The following WTAP variants were observed in gnomAD, a reference collection of about 807,000 sequenced individuals.
WTAP encodes pre-mRNA-splicing regulator WTAP.
Under a neutral mutation model 50.0 loss-of-function variants are expected in WTAP, and 8 were observed. That is an observed-to-expected ratio of 0.16 (90% CI 0.09 to 0.29). The LOEUF (loss-of-function observed/expected upper bound fraction) is 0.29. Among genes scored for constraint, WTAP ranks in the 10% least tolerant of loss-of-function variants. The probability of loss-of-function intolerance (pLI) is 1.00; values close to 1 mark genes in which losing one functional copy is unlikely to be tolerated. For synonymous variants in WTAP, 194 were observed against 169.0 expected, an observed-to-expected ratio of 1.15 and a Z score of -1.15; for missense variants, 295 against 470.7, an observed-to-expected ratio of 0.63 and a Z score of 3.45.
chr6:159,733,891 G>T (rs1778743768), intron 1 of WTAP, among the ~76,000 whole-genome samples: 3 of 152,194 alleles, frequency 2.0e-5, no homozygotes, highest in African/African-American at 4.8e-5. Context: ...ACTCCACCCC[G>T]GGCAACAAGA....
chr6:159,743,872 A>G (rs1779406383), intron 5 of WTAP, 80 bp downstream of exon 5: 4 of 1,390,938 alleles, frequency 2.9e-6, no homozygotes, highest in Admixed American at 2.6e-5. Context: ...AATTTTAAAC[A>G]TTTAATGCTA....
chr6:159,735,742 G>A (rs1778872791), intron 1 of WTAP, among the ~76,000 whole-genome samples: 1 of 151,264 alleles, frequency 6.6e-6, no homozygotes, highest in Non-Finnish European at 1.5e-5. Flanking sequence ...GAGTGAGACT[G>A]TGTCTCAAAA....
upstream of WTAP, chr6:159,726,769 G>T: frequency 5.4e-6 from 7 of 1,288,916 alleles, no homozygotes; most frequent in Non-Finnish European, 7.1e-6. Context: ...AGATGTCAAG[G>T]AGGAACGAAC....
chr6:159,741,131 G>A (rs2114918034), intron 3 of WTAP, among the ~76,000 whole-genome samples: 2 of 152,278 alleles, frequency 1.3e-5, no homozygotes, highest in Non-Finnish European at 2.9e-5. Flanking sequence ...CAGGATAGCA[G>A]ACATTCAGGG....
Position 159,753,610 on chromosome 6 carries a change from G to A in WTAP, c.603G>A (p.Gln201=). The A allele has an allele frequency of 6.2e-7, 1 of 1,605,130 alleles. No homozygotes were observed. Among genetic ancestry groups the A allele is most frequent in the African/African-American group, 1.3e-5 (1 of 74,606 alleles). The change falls in exon 7 of 8, where the codon CAG becomes CAA. Residue 201 remains glutamine, a synonymous_variant. Transcript: ENST00000621533. The part of the protein sequence containing the change: ...KKYSEELKSS[Q]DELNDFIIQL... ...ACAGTGAGGAGCTTAAAAGCAGTCA[G>A]GATGGTAAGGGGTTTGTTTCTTTTT...
intron 7 of WTAP, among the ~76,000 whole-genome samples, chr6:159,754,116 A>G (rs1562468235): frequency 1.3e-5 from 2 of 152,222 alleles, no homozygotes; most frequent in African/African-American, 4.8e-5. Context: ...GTGTAGCTGT[A>G]TCTCTGTTTC....
chr6:159,755,089 A>C lies in WTAP; in HGVS notation c.669A>C (p.Leu223=). 2 of 1,614,214 alleles carry C rather than the reference A, an allele frequency of 1.2e-6. No homozygotes were observed. The highest frequency in any genetic ancestry group is 1.7e-6 in the Non-Finnish European group (2 of 1,180,042). ...TAGAGGGTATGCAGAGTACCATTCT[A>C]GTTCTGCAGCAGCAGCTGAAGGAGA... The part of the protein sequence containing the change: ...EEVEGMQSTI[L]VLQQQLKETR... The change falls in exon 8 of 8, where the codon CTA becomes CTC. Residue 223 remains leucine (L), a synonymous_variant. Transcript: ENST00000621533.
At chr6:159,731,811 A>G (rs995638420) in intron 1 of WTAP, among the ~76,000 whole-genome samples, 14 of 152,224 alleles carry the variant, frequency 9.2e-5, no homozygotes, top group Admixed American at 5.9e-4. Flanking sequence ...TTGTATTTGC[A>G]AAGTTGACAA....
intron 1 of WTAP, among the ~76,000 whole-genome samples, chr6:159,734,703 A>T (rs1167888010): frequency 1.3e-5 from 2 of 152,210 alleles, no homozygotes; most frequent in African/African-American, 4.8e-5. Context: ...CTTAATTTGT[A>T]TAAGTTATGA....
At chr6:159,727,124 C>T (rs1778215763), upstream of WTAP, 2 of 1,195,524 alleles carry the variant, frequency 1.7e-6, no homozygotes, top group African/African-American at 1.6e-5. Flanking sequence ...GGCCGCTTCC[C>T]TTACTGAGCT....
intron 6 of WTAP, among the ~76,000 whole-genome samples, chr6:159,752,029 C>CTCCA (rs1311920491): frequency 6.6e-6 from 1 of 150,640 alleles, no homozygotes; most frequent in African/African-American, 2.5e-5. Flanking sequence ...CGCCACTGCA[C>CTCCA]TCCAGCCTGG....
At chr6:159,750,406 TG>T (rs1328941846) in intron 6 of WTAP, among the ~76,000 whole-genome samples, 2 of 152,238 alleles carry the variant, frequency 1.3e-5, no homozygotes, top group East Asian at 3.8e-4. Flanking sequence ...TACATGCTTA[TG>T]TATAAAATTG....
In WTAP at chr6:159,742,121, G is replaced by A. The variant is rs757806150; in HGVS notation, c.120G>A (p.Leu40=). The A allele has an allele frequency of 4.2e-5, 68 of 1,608,288 alleles. No homozygotes were observed. Among genetic ancestry groups the A allele is most frequent in the Non-Finnish European group, 5.4e-5 (64 of 1,178,372 alleles). Residue 40 remains leucine, a synonymous_variant, in exon 4 of 8, where the codon TTG becomes TTA. Transcript: ENST00000621533. ...WKQYEAYVQA[L]EGKYTDLNSN... The stretch of plus-strand genomic sequence containing the variant: ...AATATGAAGCATATGTACAAGCTTT[G>A]GAGGGCAAGTACACAGATCTTAACT...
Position 159,755,751 on chromosome 6 carries a change from T to TCA in WTAP, c.*140_*141insCA. 9.4e-7 allele frequency: 1 copy of TCA among 1,067,308 alleles called. No homozygotes were observed. The highest frequency in any genetic ancestry group is 1.2e-6 in the Non-Finnish European group (1 of 845,278). The allele number at this position is 1,067,308 out of a possible 1,614,324, so 66.1% of individuals were successfully genotyped here. A position where few individuals can be genotyped will look rare whatever the true frequency, so the allele number is the denominator to read the frequency against. On this transcript the variant is annotated 3_prime_UTR_variant, in exon 8 of 8. Transcript: ENST00000621533. ...TTTTTTTGTTGTTTTTTTTCTTTGT[T>TCA]TTTTTTTTCTTTTCTTTTTTTTTTT...
chr6:159,729,585 G>A (rs1328645162), intron 1 of WTAP, among the ~76,000 whole-genome samples: 2 of 150,926 alleles, frequency 1.3e-5, no homozygotes, highest in African/African-American at 2.5e-5. Flanking sequence ...AAAATCTATA[G>A]CATTTTTATT....
At chr6:159,752,965 G>A (rs1388837204) in intron 6 of WTAP, among the ~76,000 whole-genome samples, 1 of 152,158 alleles carries the variant, frequency 6.6e-6, no homozygotes, top group Non-Finnish European at 1.5e-5. Context: ...TCCTGTTAAG[G>A]AAAATCCTTA....
intron 1 of WTAP, among the ~76,000 whole-genome samples, chr6:159,727,986 C>T (rs1778315290): frequency 6.6e-6 from 1 of 152,268 alleles, no homozygotes; most frequent in African/African-American, 2.4e-5. Context: ...GGAGGATGCC[C>T]TCCCCGGGCT....
intron 1 of WTAP, among the ~76,000 whole-genome samples, chr6:159,733,736 AAACCCCGTCTCT>A (rs1332683893): frequency 2.0e-5 from 3 of 151,840 alleles, no homozygotes; most frequent in African/African-American, 7.3e-5. Flanking sequence ...CAACATGGAG[AAACCCCGTCTCT>A]ACTAAAAATA....
At chr6:159,751,944 C>A (rs1302247138) in intron 6 of WTAP, among the ~76,000 whole-genome samples, 1 of 151,664 alleles carries the variant, frequency 6.6e-6, no homozygotes, top group African/African-American at 2.4e-5. Context: ...ACCTATAGTC[C>A]CCAGGTACTC....
Sources: gnomAD v4.1 joint callset for allele counts (sites outside exome capture counted in the v4.1 genomes callset) on GRCh38, gnomAD v4.1.1 for gene constraint, MANE v1.5 for transcripts, NCBI Gene and HGNC (gene_info 2026-07-23, HGNC 2026-07-21) for gene names.